Variants in ZMAT5 observed in about 807,000 individuals in gnomAD.
The protein encoded by ZMAT5 is zinc finger matrin-type protein 5.
ZMAT5 carries 23 observed loss-of-function variants against 28.0 expected under a neutral mutation model. That is an observed-to-expected ratio of 0.82 (90% confidence interval 0.59 to 1.16). The LOEUF is 1.16. ZMAT5 is among the 50% of genes most tolerant of loss of function. The pLI is 0.00. For synonymous variants in ZMAT5, 76 were observed against 84.1 expected, an observed-to-expected ratio of 0.90 and a Z score of 0.52; for missense variants, 173 against 212.7, an observed-to-expected ratio of 0.81 and a Z score of 1.16.
chr22:29,738,179 C>G (rs1569335188), intron 5 of ZMAT5, 151 bp downstream of exon 5: 2 of 701,148 alleles, frequency 2.9e-6, no homozygotes, highest in Non-Finnish European at 4.7e-6. Context: ...CCTGGGGCCC[C>G]AAGGGCTCCT....
chr22:29,735,718 C>T (rs937192526), intron 5 of ZMAT5, among the ~76,000 whole-genome samples: 1 of 152,192 alleles, frequency 6.6e-6, no homozygotes, highest in Non-Finnish European at 1.5e-5. Flanking sequence ...CCCTGAATGC[C>T]CCCAAACACT....
chr22:29,757,546 C>T (rs952589515), intron 1 of ZMAT5, among the ~76,000 whole-genome samples: 14 of 152,336 alleles, frequency 9.2e-5, no homozygotes, highest in African/African-American at 2.4e-4. Flanking sequence ...GTGCCTGGCA[C>T]GCCAATGGTG....
At chr22:29,731,472 T>A in intron 5 of ZMAT5, 118 bp from the exon 6 acceptor site, 2 of 1,379,908 alleles carry the variant, frequency 1.4e-6, no homozygotes, top group Admixed American at 7.1e-5. Flanking sequence ...CCTGCATGAC[T>A]TTTCTGGAAG....
chr22:29,754,540 C>T (rs2147232671), intron 1 of ZMAT5, among the ~76,000 whole-genome samples: 1 of 152,266 alleles, frequency 6.6e-6, no homozygotes, highest in Middle Eastern at 3.4e-3. Context: ...AATATGGATC[C>T]CACAGCTGCT....
intron 1 of ZMAT5, among the ~76,000 whole-genome samples, chr22:29,750,855 G>A (rs1171877134): frequency 6.6e-6 from 1 of 152,182 alleles, no homozygotes; most frequent in East Asian, 1.9e-4. Flanking sequence ...CAAGCAGGTT[G>A]ATGGAGAAAG....
chr22:29,748,027 A>C, intron 2 of ZMAT5: 1 of 298,206 alleles, frequency 3.4e-6, no homozygotes, highest in East Asian at 8.5e-5. Flanking sequence ...AGCCAGCTTG[A>C]GCCCTACCAT....
intron 1 of ZMAT5, among the ~76,000 whole-genome samples, chr22:29,755,709 A>G (rs2068095645): frequency 6.7e-6 from 1 of 149,542 alleles, no homozygotes. Flanking sequence ...AATAACCATA[A>G]CAATTACTGT....
intron 5 of ZMAT5, among the ~76,000 whole-genome samples, chr22:29,735,082 C>T (rs1033829183): frequency 6.6e-6 from 1 of 152,046 alleles, no homozygotes; most frequent in Non-Finnish European, 1.5e-5. Context: ...CTTGCGGGGG[C>T]TGGGGCTGGA....
chr22:29,739,247 T>C (rs538429888), intron 4 of ZMAT5, among the ~76,000 whole-genome samples: 2 of 152,312 alleles, frequency 1.3e-5, no homozygotes, highest in South Asian at 4.1e-4. Flanking sequence ...TTATACAAGC[T>C]GGGTGTGAGC....
chr22:29,766,171 A>G (rs2068209712), intron 1 of ZMAT5, among the ~76,000 whole-genome samples: 1 of 152,050 alleles, frequency 6.6e-6, no homozygotes, highest in Non-Finnish European at 1.5e-5. Flanking sequence ...CAAAGAAAAC[A>G]AGACTCCGTA....
intron 1 of ZMAT5, among the ~76,000 whole-genome samples, chr22:29,754,239 G>T (rs181543469): frequency 0.012 from 1,862 of 152,188 alleles, 15 homozygotes; most frequent in Non-Finnish European, 0.014. Flanking sequence ...GAGTGTGAGC[G>T]AGGTCCCGTC....
chr22:29,738,100 G>A (rs1160413184), intron 5 of ZMAT5, among the ~76,000 whole-genome samples: 4 of 152,136 alleles, frequency 2.6e-5, no homozygotes, highest in Non-Finnish European at 5.9e-5. Context: ...CCTCCAGCCA[G>A]CACAGACTCC....
At chr22:29,764,287 G>GA (rs765360284) in intron 1 of ZMAT5, among the ~76,000 whole-genome samples, 21 of 152,092 alleles carry the variant, frequency 1.4e-4, no homozygotes, top group African/African-American at 3.6e-4. Flanking sequence ...TCTTCCCCTG[G>GA]AGCCTCACAA....
At chr22:29,737,137 C>T (rs2067913746) in intron 5 of ZMAT5, among the ~76,000 whole-genome samples, 1 of 151,852 alleles carries the variant, frequency 6.6e-6, no homozygotes, top group South Asian at 2.1e-4. Flanking sequence ...CAAGACCAGG[C>T]TGGCCAACAT....
At chr22:29,750,603 G>A (rs187617226) in intron 1 of ZMAT5, among the ~76,000 whole-genome samples, 54 of 152,316 alleles carry the variant, frequency 3.5e-4, no homozygotes, top group Non-Finnish European at 6.2e-4. Flanking sequence ...CCACCAAGGG[G>A]GATCTGCCAA....
chr22:29,762,212 G>C (rs1204854960), intron 1 of ZMAT5, among the ~76,000 whole-genome samples: 1 of 152,184 alleles, frequency 6.6e-6, no homozygotes, highest in Admixed American at 6.5e-5. Flanking sequence ...TGAGTGTCTT[G>C]AGAAATTCAG....
chr22:29,737,883 C>T (rs1358044928), intron 5 of ZMAT5, among the ~76,000 whole-genome samples: 2 of 101,200 alleles, frequency 2.0e-5, no homozygotes, highest in Non-Finnish European at 3.9e-5. Context: ...GGCAGTGGGA[C>T]CAGGACCTCG....
chr22:29,739,405 C>T (rs56995766), intron 4 of ZMAT5, among the ~76,000 whole-genome samples: 6,861 of 152,036 alleles, frequency 0.045, 529 homozygotes, highest in African/African-American at 0.16. Flanking sequence ...GGAGCTCACT[C>T]GGGGCCGGGC....
chr22:29,740,683 G>A lies in ZMAT5; in HGVS notation c.238C>T (p.Arg80Ter), dbSNP rs143310443. The change falls in exon 4 of 6, where the codon CGA (arginine) becomes TGA (stop). Residue 80 changes from arginine (R) to a stop codon, truncating the protein, a stop_gained. Transcript: ENST00000344318. LOFTEE classifies it high-confidence loss of function. ...SNCRFSHMSE[R>*]DLQELSIQVE... The stretch of plus-strand genomic sequence containing the variant: ...TGGATGCTCAGCTCCTGCAGGTCTC[G>A]CTCTGACATGTGGGAAAATCTGCAG... 36 of 1,604,816 alleles carry A rather than the reference G, an allele frequency of 2.2e-5. No individual in the cohort carries two copies. Among genetic ancestry groups the A allele is most frequent in the South Asian group, 6.8e-5 (6 of 88,806 alleles).
Sources: allele counts gnomAD v4.1 joint callset (sites outside exome capture counted in the v4.1 genomes callset), GRCh38; gene constraint gnomAD v4.1.1; transcripts MANE v1.5; gene names NCBI Gene and HGNC (gene_info 2026-07-23, HGNC 2026-07-21).